The following TBC1D32 variants were observed in gnomAD, a reference collection of about 807,000 sequenced individuals.
TBC1D32 encodes the protein protein broad-minded.
TBC1D32 carries 151 observed loss-of-function variants against 170.3 expected under a neutral mutation model. That is an observed-to-expected ratio of 0.89 (90% CI 0.78 to 1.01). The LOEUF is 1.01. Among genes scored for constraint, TBC1D32 ranks in the 50% least tolerant of loss-of-function variants. The pLI is 0.00. For missense variants in TBC1D32, 1,464 were observed against 1,457.1 expected (o/e 1.00, Z -0.08); for synonymous variants, 498 against 488.0 (o/e 1.02, Z -0.27).
intron 22 of TBC1D32, chr6:121,170,351 C>T: frequency 1.3e-6 from 2 of 1,484,252 alleles, no homozygotes; most frequent in East Asian, 4.9e-5. Context: ...ACTGTCTTAA[C>T]AAAACATCTC....
At chr6:121,303,825 A>G in intron 8 of TBC1D32, 64 bp from the exon 9 acceptor site, 1 of 1,121,628 alleles carries the variant, frequency 8.9e-7, no homozygotes, top group Non-Finnish European at 1.2e-6. Context: ...CTTTATATTC[A>G]TGGAATGATA....
intron 21 of TBC1D32, among the ~76,000 whole-genome samples, chr6:121,221,176 T>C (rs1416038651): frequency 2.0e-5 from 3 of 152,128 alleles, no homozygotes; most frequent in African/African-American, 7.2e-5. Context: ...CTATGCTATA[T>C]AAATGGAAAA....
chr6:121,131,808 T>G, intron 24 of TBC1D32, 56 bp from the exon 25 acceptor site: 1 of 1,382,980 alleles, frequency 7.2e-7, no homozygotes, highest in South Asian at 1.3e-5. Context: ...TACTGAAAAA[T>G]TATTAATGTT....
At chr6:121,299,350 T>G (rs1393543418) in intron 10 of TBC1D32, 96 bp downstream of exon 10, 1 of 1,318,582 alleles carries the variant, frequency 7.6e-7, no homozygotes, top group African/African-American at 1.5e-5. Context: ...TATCCAATAT[T>G]AATTATCACC....
chr6:121,299,223 T>C (rs1806095098), intron 10 of TBC1D32, among the ~76,000 whole-genome samples: 2 of 152,096 alleles, frequency 1.3e-5, no homozygotes, highest in Non-Finnish European at 2.9e-5. Context: ...TTACTATATA[T>C]ATAAAACATA....
chr6:121,226,123 C>G (rs553884286), intron 20 of TBC1D32, among the ~76,000 whole-genome samples: 7 of 152,200 alleles, frequency 4.6e-5, no homozygotes, highest in African/African-American at 1.2e-4. Context: ...CTTCTATTCA[C>G]TTATTCACTA....
In TBC1D32 at chr6:121,148,739, G is replaced by A. The variant is rs535273437; in HGVS notation, c.2773+11271C>T. On this transcript the variant is annotated intron_variant, in intron 24 of 31. Coordinates refer to ENST00000398212, the MANE Select transcript of TBC1D32 (RefSeq NM_152730.6). ...AGCAATTCTCCTGCCTCAGCCTCCC[G>A]GGTAGCTGGGATTACAGGCATGTGC... is the stretch of plus-strand genomic sequence containing the variant. Among the ~76,000 whole-genome samples, 31 of 152,022 alleles carry A rather than the reference G, an allele frequency of 2.0e-4. No homozygotes were observed. The South Asian group carries it at 4.4e-3, about 21-fold the overall frequency.
At chr6:121,266,907 G>C (rs1800571869) in intron 15 of TBC1D32, among the ~76,000 whole-genome samples, 2 of 151,972 alleles carry the variant, frequency 1.3e-5, no homozygotes, top group Non-Finnish European at 2.9e-5. Flanking sequence ...ACCAGGGCCT[G>C]TCGGTGGGGA....
chr6:121,192,053 A>ATATATAT lies in TBC1D32; in HGVS notation c.2570+13021_2570+13022insATATATA, dbSNP rs1158179800. ...CTTGTGATCATGTAAGTTAATACTT[A>ATATATAT]ATAAACTACCCTTTATATATATATA... On this transcript the variant is annotated intron_variant, in intron 22 of 31. Coordinates refer to ENST00000398212, the MANE Select transcript of TBC1D32 (RefSeq NM_152730.6). Among the ~76,000 whole-genome samples, 13 of 59,676 alleles carry ATATATAT rather than the reference A, an allele frequency of 2.2e-4. 1 individual carries two copies. The highest frequency in any genetic ancestry group is 1.7e-3 in the Admixed American group (6 of 3,496). 39.1% of individuals were successfully genotyped at this position (59,676 alleles called of 152,430 possible).
chr6:121,173,081 T>C (rs148191303), intron 22 of TBC1D32, among the ~76,000 whole-genome samples: 180 of 152,240 alleles, frequency 1.2e-3, no homozygotes, highest in Non-Finnish European at 2.2e-3. Flanking sequence ...AGATTAACAT[T>C]TGAGTCAGTG....
At chr6:121,208,156 A>C (rs1351447150) in intron 21 of TBC1D32, among the ~76,000 whole-genome samples, 4 of 152,086 alleles carry the variant, frequency 2.6e-5, no homozygotes, top group Non-Finnish European at 5.9e-5. Context: ...GAACCTGTAA[A>C]TGTCACCCTA....
intron 22 of TBC1D32, among the ~76,000 whole-genome samples, chr6:121,193,385 C>T (rs1033274977): frequency 6.6e-6 from 1 of 152,144 alleles, no homozygotes; most frequent in Admixed American, 6.5e-5. Context: ...GTAACTAGAC[C>T]TACTCATCCC....
intron 22 of TBC1D32, among the ~76,000 whole-genome samples, chr6:121,198,236 A>AATATATATATT (rs1791053217): frequency 7.7e-6 from 1 of 129,570 alleles, no homozygotes; most frequent in African/African-American, 3.1e-5. Flanking sequence ...AATATATATA[A>AATATATATATT]ATATATATAT....
Position 121,080,876 on chromosome 6 carries a change from A to G in TBC1D32, c.3669T>C (p.His1223=), listed in dbSNP as rs763042554. ...LQVFLKEEAL[H]GFRVSDYFEY... is the part of the protein sequence containing the mutation. ...CAAAATAATCACTCACTCGAAACCCATGCAGTGCTTCTTCCTGCCAAAAAT... is the reference window on the plus strand; with the variant it reads ...CAAAATAATCACTCACTCGAAACCCGTGCAGTGCTTCTTCCTGCCAAAAAT... The change falls in exon 32 of 32, where the codon CAT becomes CAC. Residue 1223 remains histidine (H), a synonymous_variant. Transcript: ENST00000398212. The G allele has an allele frequency of 1.2e-6, 2 of 1,611,450 alleles. No homozygotes were observed. The highest frequency in any genetic ancestry group is 4.5e-5 in the East Asian group (2 of 44,826).
intron 1 of TBC1D32, among the ~76,000 whole-genome samples, chr6:121,324,504 G>A (rs1188071603): frequency 6.6e-6 from 1 of 152,016 alleles, no homozygotes; most frequent in African/African-American, 2.4e-5. Flanking sequence ...ACATTAGATT[G>A]AAATAGCAAA....
In TBC1D32 at chr6:121,308,009, G is replaced by A. The variant is rs780845383; in HGVS notation, c.657C>T (p.Thr219=). The A allele has an allele frequency of 2.3e-5, 37 of 1,613,500 alleles. No individual in the cohort carries two copies. Among genetic ancestry groups the A allele is most frequent in the South Asian group, 9.9e-5 (9 of 91,022 alleles). The change falls in exon 5 of 32, where the codon ACC becomes ACT. Residue 219 remains threonine (T), a synonymous_variant. Coordinates refer to ENST00000398212, the MANE Select transcript of TBC1D32 (RefSeq NM_152730.6). ...ENWTTLCEKL[T]VSLSDPDPVF... is the part of the protein sequence containing the mutation. ...CAGGATCAGGATCTGAAAGAGACAC[G>A]GTCAGTTTTTCGCAGAGAGTAGTCC...
Position 121,294,617 on chromosome 6 carries a change from C to G in TBC1D32, c.1184G>C (p.Cys395Ser), listed in dbSNP as rs754039147. 5.6e-6 allele frequency: 9 copies of G among 1,612,538 alleles called. No homozygotes were observed. Among genetic ancestry groups the G allele is most frequent in the Non-Finnish European group, 6.8e-6 (8 of 1,179,430 alleles). ...IQQCVQYFEM[C>S]KTRKADETLG... ...AGTTTCATCAGCTTTCCTAGTCTTA[C>G]ACATTTCAAAGTACTGAACACACTG... Residue 395 changes from cysteine to serine, a missense_variant, in exon 11 of 32, where the codon TGT (cysteine) becomes TCT (serine). Physicochemically the swap from Cys to Ser is moderately radical, Grantham distance 112. Around this residue, in one of 3 missense-constraint regions of TBC1D32, gnomAD observed 1,363 missense variants for 1,338.1 expected, o/e 1.02. Transcript: ENST00000398212.
intron 4 of TBC1D32, among the ~76,000 whole-genome samples, chr6:121,308,916 C>G (rs750155994): frequency 6.6e-6 from 1 of 152,038 alleles, no homozygotes; most frequent in Non-Finnish European, 1.5e-5. Flanking sequence ...ATATCCAAGT[C>G]GTGAATAATA....
chr6:121,186,089 G>A (rs932658956), intron 22 of TBC1D32, among the ~76,000 whole-genome samples: 5 of 152,126 alleles, frequency 3.3e-5, no homozygotes, highest in South Asian at 2.1e-4. Context: ...GAAGCGTAGC[G>A]AGAAAGTTGA....
Sources: allele counts gnomAD v4.1 joint callset (sites outside exome capture counted in the v4.1 genomes callset), GRCh38; gene constraint gnomAD v4.1.1; regional missense constraint gnomAD v4.1.1; transcripts MANE v1.5; gene names NCBI Gene and HGNC (gene_info 2026-07-23, HGNC 2026-07-21).